CCDC39: variants seen among roughly 807,000 people sequenced by gnomAD.
CCDC39 encodes the protein coiled-coil domain-containing protein 39.
CCDC39 carries 113 observed loss-of-function variants against 121.0 expected under a neutral mutation model. The observed-to-expected ratio is 0.93, with a 90% CI of 0.80 to 1.09. The LOEUF is 1.09. CCDC39 is among the 50% of genes least tolerant of loss of function. CCDC39 has a pLI of 0.00. For missense variants in CCDC39, 1,063 were observed against 1,074.7 expected, an observed-to-expected ratio of 0.99 and a Z score of 0.15; for synonymous variants, 349 against 352.2, an observed-to-expected ratio of 0.99 and a Z score of 0.10.
chr3:180,675,174 T>C (rs1013051550), intron 1 of CCDC39, among the ~76,000 whole-genome samples: 1 of 152,190 alleles, frequency 6.6e-6, no homozygotes, highest in African/African-American at 2.4e-5. Flanking sequence ...TATTGGTCTA[T>C]TCAGAGATTC....
At chr3:180,659,629 C>A (rs1711690763) in intron 5 of CCDC39, 48 bp downstream of exon 5, 3 of 1,605,516 alleles carry the variant, frequency 1.9e-6, no homozygotes, top group South Asian at 2.2e-5. Context: ...AGTGGTTTTG[C>A]AAACATCACC....
At chr3:180,638,139 G>T (rs1343218246) in intron 13 of CCDC39, among the ~76,000 whole-genome samples, 3 of 152,052 alleles carry the variant, frequency 2.0e-5, no homozygotes, top group Non-Finnish European at 4.4e-5. Context: ...ACTTTAAAAT[G>T]ACAAAATGCC....
intron 1 of CCDC39, among the ~76,000 whole-genome samples, chr3:180,675,539 C>T (rs1163863173): frequency 1.3e-5 from 2 of 152,136 alleles, no homozygotes; most frequent in Non-Finnish European, 2.9e-5. Context: ...ACTGTGTTTG[C>T]TCTTGCTTCT....
chr3:180,616,715 A>G lies in CCDC39; in HGVS notation c.2407-20T>C, dbSNP rs776677497. On this transcript the variant is annotated intron_variant, in intron 17 of 19. Transcript: ENST00000476379. The stretch of plus-strand genomic sequence containing the variant: ...TGCACACTGTTGGTAAATAATAGTC[A>G]ATTATTCTATAAACGTGTTTACCAG... The G allele has an allele frequency of 7.0e-6, 11 of 1,576,854 alleles. No individual in the cohort carries two copies. Among genetic ancestry groups the G allele is most frequent in the Middle Eastern group, 3.3e-4 (2 of 5,982 alleles).
In CCDC39 at chr3:180,617,534, A is replaced by T. The variant is rs1404389669; in HGVS notation, c.2266-568T>A. On this transcript the variant is annotated intron_variant, in intron 16 of 19. Coordinates refer to ENST00000476379, the MANE Select transcript of CCDC39 (RefSeq NM_181426.2). ...AAGTGGGACAAGATATGGAGGTGGAAGACAGTGGTATTGATGATCCTGACC... is the reference window on the plus strand; with the variant it reads ...AAGTGGGACAAGATATGGAGGTGGATGACAGTGGTATTGATGATCCTGACC... The T allele has an allele frequency of 6.3e-6, 4 of 635,340 alleles. No individual in the cohort carries two copies. The Admixed American group carries it at 8.7e-5, about 14-fold the overall frequency. The allele number at this position is 635,340 out of a possible 1,614,324, so 39.4% of individuals were successfully genotyped here. A position where few individuals can be genotyped will look rare whatever the true frequency, so the allele number is the denominator to read the frequency against.
intron 13 of CCDC39, among the ~76,000 whole-genome samples, chr3:180,636,451 A>G (rs1025787081): frequency 2.0e-5 from 3 of 151,004 alleles, no homozygotes; most frequent in Non-Finnish European, 3.0e-5. Flanking sequence ...CAAGGAAATC[A>G]GCAGAAAACT....
Position 180,619,855 on chromosome 3 carries a change from C to G in CCDC39, c.2114G>C (p.Cys705Ser). Residue 705 changes from cysteine to serine, a missense_variant, in exon 15 of 20, where the codon TGT becomes TCT. By Grantham distance (112) the Cys-to-Ser change is moderately radical (BLOSUM62 -1). Transcript: ENST00000476379. ...LENTLQVLNS[C>S]NNNYKQSFKK... The stretch of plus-strand genomic sequence containing the variant: ...AAAAGATTGCTTATAATTGTTGTTA[C>G]AGCTGTTCAGCACTTGAAGGGTATT... 6.2e-7 allele frequency: 1 copy of G among 1,607,852 alleles called. No homozygotes were observed. The highest frequency in any genetic ancestry group is 8.5e-7 in the Non-Finnish European group (1 of 1,177,496).
intron 1 of CCDC39, among the ~76,000 whole-genome samples, chr3:180,675,982 C>T (rs1294283579): frequency 6.6e-5 from 10 of 152,102 alleles, no homozygotes; most frequent in Non-Finnish European, 1.3e-4. Context: ...ACACCTTATA[C>T]AAAAATTAAT....
At chr3:180,633,535 T>C (rs1373578845) in intron 13 of CCDC39, among the ~76,000 whole-genome samples, 1 of 151,912 alleles carries the variant, frequency 6.6e-6, no homozygotes, top group Middle Eastern at 3.2e-3. Flanking sequence ...ATGAGCAATC[T>C]GGAGAGAGAG....
chr3:180,651,420 TC>T lies in CCDC39; in HGVS notation c.1147del (p.Glu383ArgfsTer6). 1 of 1,558,264 alleles carries T rather than the reference TC, an allele frequency of 6.4e-7. No homozygotes were observed. Among genetic ancestry groups the T allele is most frequent in the Non-Finnish European group, 8.7e-7 (1 of 1,150,042 alleles). On this transcript the variant is annotated frameshift_variant, in exon 9 of 20. Coordinates refer to ENST00000476379, the MANE Select transcript of CCDC39 (RefSeq NM_181426.2). LOFTEE classifies it high-confidence loss of function. ...KATNLEDMLK[E>X]EEKDVKEVDV... ...CTTTACCTTCACATCTTTTTCCTCC[TC>T]CTTTAGCATATCTTCCAAATTAGTA...
At chr3:180,641,951 C>T (rs915383348) in intron 13 of CCDC39, 42 bp downstream of exon 13, 6 of 1,405,546 alleles carry the variant, frequency 4.3e-6, no homozygotes, top group Non-Finnish European at 5.8e-6. Flanking sequence ...TGACATCATC[C>T]TGTTTTTTTA....
intron 13 of CCDC39, among the ~76,000 whole-genome samples, chr3:180,639,006 A>G (rs745983482): frequency 6.6e-6 from 1 of 152,166 alleles, no homozygotes; most frequent in Non-Finnish European, 1.5e-5. Flanking sequence ...ACATATGTTC[A>G]TAGTACCTTT....
At chr3:180,646,429 A>G (rs1221724092) in intron 11 of CCDC39, among the ~76,000 whole-genome samples, 1 of 152,084 alleles carries the variant, frequency 6.6e-6, no homozygotes, top group African/African-American at 2.4e-5. Context: ...ATTCATGTCC[A>G]CACTCACTAT....
chr3:180,649,577 G>A (rs1415441781), intron 9 of CCDC39, among the ~76,000 whole-genome samples: 3 of 152,030 alleles, frequency 2.0e-5, no homozygotes, highest in African/African-American at 4.8e-5. Context: ...AAGATTGCCT[G>A]GCAGAGTTTT....
chr3:180,617,493 G>A (rs1249111162), intron 16 of CCDC39: 1 of 675,708 alleles, frequency 1.5e-6, no homozygotes. Context: ...TCATGTTACT[G>A]ACCCTGAAGA....
intron 17 of CCDC39, 63 bp from the exon 18 acceptor site, chr3:180,616,758 A>G: frequency 6.3e-7 from 1 of 1,577,282 alleles, no homozygotes; most frequent in Non-Finnish European, 8.6e-7. Context: ...TATTTTTAAT[A>G]GATGAAGGAG....
At chr3:180,674,803 C>A (rs1039770937) in intron 1 of CCDC39, among the ~76,000 whole-genome samples, 4 of 152,134 alleles carry the variant, frequency 2.6e-5, no homozygotes, top group African/African-American at 9.7e-5. Flanking sequence ...ATATGTTGAA[C>A]CAGCCTTGCA....
At chr3:180,644,358 CAG>C in intron 11 of CCDC39, 101 bp from the exon 12 acceptor site, 2 of 652,826 alleles carry the variant, frequency 3.1e-6, no homozygotes, top group Non-Finnish European at 2.4e-6. Flanking sequence ...ATTATATACT[CAG>C]ATATTTAAAA....
rs765698723 is a variant in CCDC39, at chr3:180,679,419, GC to G, written c.-40del. The G allele has an allele frequency of 2.2e-5, 34 of 1,580,468 alleles. No homozygotes were observed. In the African/African-American group the frequency reaches 4.0e-4, roughly 19 times the overall value. The stretch of plus-strand genomic sequence containing the variant: ...TAGAGAAGATACAGAGCAAAGATCC[GC>G]CTTCTTGTACAGCGGGTGAGCAGCA... On this transcript the variant is annotated 5_prime_UTR_variant, in exon 1 of 20. Coordinates refer to ENST00000476379, the MANE Select transcript of CCDC39 (RefSeq NM_181426.2). This position sits in a 1 kb window ranked among gnomAD's most constrained non-coding sequence, Gnocchi z 4.0.
Sources: allele counts gnomAD v4.1 joint callset (sites outside exome capture counted in the v4.1 genomes callset), GRCh38; gene constraint gnomAD v4.1.1; non-coding constraint Gnocchi (gnomAD v3.1); transcripts MANE v1.5; gene names NCBI Gene and HGNC (gene_info 2026-07-23, HGNC 2026-07-21).